Variants in KIF13B observed in about 807,000 individuals in gnomAD.
The protein encoded by KIF13B is kinesin family member 13B.
In KIF13B, 127 loss-of-function variants were observed where a neutral mutation model predicts 222.0. That is an observed-to-expected ratio of 0.57 (90% CI 0.50 to 0.66). KIF13B has a LOEUF of 0.66. KIF13B is among the 30% of genes least tolerant of loss of function. The pLI, the probability that KIF13B is intolerant of heterozygous loss-of-function variation, is 0.00. For synonymous variants in KIF13B, 976 were observed against 919.0 expected, an observed-to-expected ratio of 1.06 and a Z score of -1.12; for missense variants, 2,173 against 2,379.0, an observed-to-expected ratio of 0.91 and a Z score of 1.80.
intron 24 of KIF13B, among the ~76,000 whole-genome samples, chr8:29,129,654 A>G (rs980815941): frequency 6.6e-6 from 1 of 152,054 alleles, no homozygotes; most frequent in Non-Finnish European, 1.5e-5. Context: ...AGCAAAAAAA[A>G]AAAATTCCAA....
At chr8:29,083,574 ACATCT>A (rs1223776444) in intron 37 of KIF13B, among the ~76,000 whole-genome samples, 1 of 152,204 alleles carries the variant, frequency 6.6e-6, no homozygotes, top group East Asian at 1.9e-4. Flanking sequence ...GACAACTCTG[ACATCT>A]CTAAGTATGT....
At chr8:29,171,869 T>C (rs369031344) in intron 10 of KIF13B, among the ~76,000 whole-genome samples, 7 of 149,278 alleles carry the variant, frequency 4.7e-5, no homozygotes, top group East Asian at 2.0e-4. Context: ...TCGATTCTCC[T>C]GCCTCAGCCT....
chr8:29,113,392 A>G, intron 32 of KIF13B, 71 bp downstream of exon 32: 1 of 835,574 alleles, frequency 1.2e-6, no homozygotes, highest in Non-Finnish European at 1.9e-6. Flanking sequence ...TGTCATGGGT[A>G]GGTCACTTTT....
At chr8:29,080,377 A>G (rs1350285408) in intron 37 of KIF13B, among the ~76,000 whole-genome samples, 1 of 151,834 alleles carries the variant, frequency 6.6e-6, no homozygotes, top group East Asian at 1.9e-4. Context: ...CCTCAGCAAT[A>G]ATCTAATCAA....
In KIF13B at chr8:29,121,992, C is replaced by T. The variant is rs182136460; in HGVS notation, c.3535+599G>A. Among the ~76,000 whole-genome samples the T allele has an allele frequency of 2.0e-3, 302 of 152,246 alleles. 2 individuals carry two copies. Among genetic ancestry groups the T allele is most frequent in the African/African-American group, 6.8e-3 (284 of 41,542 alleles). On this transcript the variant is annotated intron_variant, in intron 29 of 39. Transcript: ENST00000524189. ...AGAAGAAGCCGGGCGCAGTGGCTCA[C>T]GCCTGTAATCCCAGCACTTTGGGAG...
intron 10 of KIF13B, among the ~76,000 whole-genome samples, chr8:29,171,440 C>T (rs1170839862): frequency 6.6e-6 from 1 of 152,012 alleles, no homozygotes; most frequent in African/African-American, 2.4e-5. Context: ...AAAAAAGACG[C>T]TGTGAAACTG....
At chr8:29,139,659 G>C (rs979073115) in intron 21 of KIF13B, among the ~76,000 whole-genome samples, 2 of 152,148 alleles carry the variant, frequency 1.3e-5, no homozygotes, top group Non-Finnish European at 1.5e-5. Flanking sequence ...ACTGGTTCTA[G>C]GATGAGCTAT....
chr8:29,173,872 G>A (rs1812360678), intron 10 of KIF13B, among the ~76,000 whole-genome samples: 1 of 151,574 alleles, frequency 6.6e-6, no homozygotes, highest in Admixed American at 6.6e-5. Flanking sequence ...TGATCCAGGA[G>A]GTGGAAGTTG....
rs56322419 is a variant in KIF13B, at chr8:29,152,254, T to C, written c.1536-1871A>G. Among the ~76,000 whole-genome samples, 1,110 of 152,340 alleles carry C rather than the reference T, an allele frequency of 7.3e-3. 12 individuals carry two copies. The highest frequency in any genetic ancestry group is 0.011 in the Non-Finnish European group (745 of 68,028). On this transcript the variant is annotated intron_variant, in intron 14 of 39. Coordinates refer to ENST00000524189, the MANE Select transcript of KIF13B (RefSeq NM_015254.4). ...TGGAATCTACTCCTGGTGAAGATGCTGTGAACATTGCTGAAATGACAACAG... is the reference window on the plus strand; with the variant it reads ...TGGAATCTACTCCTGGTGAAGATGCCGTGAACATTGCTGAAATGACAACAG...
chr8:29,129,130 G>C (rs1563725263), intron 24 of KIF13B, among the ~76,000 whole-genome samples: 1 of 152,088 alleles, frequency 6.6e-6, no homozygotes, highest in Admixed American at 6.6e-5. Flanking sequence ...TCAATATGAA[G>C]GTAAAGAGGC....
intron 18 of KIF13B, among the ~76,000 whole-genome samples, chr8:29,145,216 G>A (rs753454566): frequency 6.6e-6 from 1 of 152,142 alleles, no homozygotes; most frequent in Non-Finnish European, 1.5e-5. Context: ...ACAATGATCT[G>A]TAAAGTAACG....
At chr8:29,124,167 TAATC>T in intron 26 of KIF13B, 44 bp from the exon 27 acceptor site, 1 of 1,161,070 alleles carries the variant, frequency 8.6e-7, no homozygotes. Flanking sequence ...AATGTCAAGA[TAATC>T]TATCTGAAAC....
chr8:29,243,561 C>T (rs1815877284), intron 2 of KIF13B, among the ~76,000 whole-genome samples: 1 of 151,202 alleles, frequency 6.6e-6, no homozygotes, highest in Admixed American at 6.6e-5. Context: ...GAGGCTGAGG[C>T]ATGAGAATTG....
Position 29,104,971 on chromosome 8 carries a change from C to CT in KIF13B, c.4215+3167dup, listed in dbSNP as rs1457686093. Among the ~76,000 whole-genome samples the CT allele has an allele frequency of 8.6e-3, 1,208 of 140,990 alleles. 21 individuals carry two copies. Among genetic ancestry groups the CT allele is most frequent in the African/African-American group, 0.026 (1,020 of 38,638 alleles). The allele number at this position is 140,990 out of a possible 152,430, so 92.5% of individuals were successfully genotyped here. A position where few individuals can be genotyped will look rare whatever the true frequency, so the allele number is the denominator to read the frequency against. The stretch of plus-strand genomic sequence containing the variant: ...GTGTTAGCCAGGATGGTTTTTTTTC[C>CT]TTTTTTTTTTTGGAAGACAGGGTCT... On this transcript the variant is annotated intron_variant, in intron 35 of 39. Coordinates refer to ENST00000524189, the MANE Select transcript of KIF13B (RefSeq NM_015254.4).
At position 29,167,611 on chromosome 8, in the gene KIF13B, T is replaced by C. The variant is rs772130819; in HGVS notation, c.946-26A>G. On this transcript the variant is annotated intron_variant, in intron 10 of 39. Coordinates refer to ENST00000524189, the MANE Select transcript of KIF13B (RefSeq NM_015254.4). ...CTACAGGAGAAAACAGAAAGTTGAGTAGCATATTAAAGTTGGAAGAAGACG... is the reference window on the plus strand; with the variant it reads ...CTACAGGAGAAAACAGAAAGTTGAGCAGCATATTAAAGTTGGAAGAAGACG... 9 of 1,579,672 alleles carry C rather than the reference T, an allele frequency of 5.7e-6. No homozygotes were observed. The Admixed American group carries it at 6.7e-5, about 12-fold the overall frequency.
rs1419734172 is a variant in KIF13B at position 29,215,812 on chromosome 8, G to A, written c.150-19613C>T. Among the ~76,000 whole-genome samples, 4 of 152,310 alleles carry A rather than the reference G, an allele frequency of 2.6e-5. No homozygotes were observed. The South Asian group carries it at 6.2e-4, about 24-fold the overall frequency. On this transcript the variant is annotated intron_variant, in intron 2 of 39. Coordinates refer to ENST00000524189, the MANE Select transcript of KIF13B (RefSeq NM_015254.4). ...GACAAAAAGTTTTAAAGTATTAAAA[G>A]CTTTGAAAGCAAATTTATAATCTTG... is the stretch of plus-strand genomic sequence containing the variant.
At chr8:29,126,774 C>G (rs553509360) in intron 25 of KIF13B, among the ~76,000 whole-genome samples, 1 of 152,092 alleles carries the variant, frequency 6.6e-6, no homozygotes, top group Non-Finnish European at 1.5e-5. Flanking sequence ...TAGTCCCACT[C>G]GCCAGGGGAA....
chr8:29,233,080 C>A (rs146145655), intron 2 of KIF13B, among the ~76,000 whole-genome samples: 3 of 152,126 alleles, frequency 2.0e-5, no homozygotes, highest in Non-Finnish European at 4.4e-5. Context: ...CACTTGAACC[C>A]GAGAGGTGGA....
chr8:29,089,446 A>G (rs893799987), intron 37 of KIF13B, among the ~76,000 whole-genome samples: 3 of 152,088 alleles, frequency 2.0e-5, no homozygotes, highest in Non-Finnish European at 4.4e-5. Context: ...CTCTAAAATA[A>G]TATTATTATA....
Sources: allele counts gnomAD v4.1 joint callset (sites outside exome capture counted in the v4.1 genomes callset), GRCh38; gene constraint gnomAD v4.1.1; transcripts MANE v1.5; gene names NCBI Gene and HGNC (gene_info 2026-07-23, HGNC 2026-07-21).